Variants in ALPK1 observed in about 807,000 individuals in gnomAD.
ALPK1 encodes alpha kinase 1.
ALPK1 carries 110 observed loss-of-function variants against 120.6 expected under a neutral mutation model. That is an observed-to-expected ratio of 0.91 (90% CI 0.78 to 1.07). The LOEUF is 1.07. ALPK1 is among the 50% of genes least tolerant of loss of function. The pLI is 0.00. For synonymous variants in ALPK1, 582 were observed against 560.3 expected, an observed-to-expected ratio of 1.04 and a Z score of -0.55; for missense variants, 1,498 against 1,483.9, an observed-to-expected ratio of 1.01 and a Z score of -0.16.
chr4:112,412,158 C>A (rs1272195712), intron 5 of ALPK1, 133 bp downstream of exon 5: 1 of 1,045,638 alleles, frequency 9.6e-7, no homozygotes, highest in Middle Eastern at 2.8e-4. Flanking sequence ...CCCGGGGCTC[C>A]CCTCCCCCGC....
chr4:112,407,448 C>T (rs1733237341), intron 4 of ALPK1, among the ~76,000 whole-genome samples: 1 of 151,942 alleles, frequency 6.6e-6, no homozygotes, highest in South Asian at 2.1e-4. Flanking sequence ...CACTGCACTC[C>T]AGCCTGGGTG....
chr4:112,430,685 C>A lies in ALPK1; in HGVS notation c.1138C>A (p.Gln380Lys). 6.2e-7 allele frequency: 1 copy of A among 1,614,186 alleles called. No homozygotes were observed. The highest frequency in any genetic ancestry group is 8.5e-7 in the Non-Finnish European group (1 of 1,180,026). Residue 380 changes from glutamine (Q) to lysine (K), a missense_variant, in exon 11 of 16, where the codon CAG becomes AAG. Gln to Lys is a moderately conservative substitution (Grantham distance 53). Transcript: ENST00000650871. ...GACAGGGACGGTCCATGCAGCAAGT[C>A]AGCTCTGTAAGGAAGCAATGGGGAA... Reference protein sequence around the residue: ...GETGTVHAASQLCKEAMGKLY... With the variant: ...GETGTVHAASKLCKEAMGKLY...
At chr4:112,388,637 A>C (rs199656032) in intron 4 of ALPK1, among the ~76,000 whole-genome samples, 21 of 137,298 alleles carry the variant, frequency 1.5e-4, no homozygotes, top group Non-Finnish European at 1.9e-4. Context: ...AAAAAAAAAA[A>C]ACACAAAGTG....
At chr4:112,439,548 A>T in intron 13 of ALPK1, 138 bp from the exon 14 acceptor site, 1 of 621,828 alleles carries the variant, frequency 1.6e-6, no homozygotes, top group Non-Finnish European at 2.6e-6. Flanking sequence ...AGTTATAATT[A>T]TACCTACTTT....
chr4:112,355,823 C>T (rs1730578828), intron 2 of ALPK1, among the ~76,000 whole-genome samples: 1 of 152,230 alleles, frequency 6.6e-6, no homozygotes, highest in Non-Finnish European at 1.5e-5. Context: ...AAGTGCACCG[C>T]GCTCAACCGC....
chr4:112,411,792 C>T (rs772438978), intron 4 of ALPK1, 35 bp from the exon 5 acceptor site: 49 of 1,575,918 alleles, frequency 3.1e-5, no homozygotes, highest in Admixed American at 1.1e-4. Context: ...CCAGCGTTTC[C>T]GCCTGGCTCA....
intron 2 of ALPK1, among the ~76,000 whole-genome samples, chr4:112,329,516 G>T (rs150938351): frequency 1.3e-5 from 2 of 152,272 alleles, no homozygotes; most frequent in Non-Finnish European, 2.9e-5. Context: ...GGCCATTTTG[G>T]TTTTGGGGTA....
At chr4:112,412,498 G>A (rs932080963) in intron 5 of ALPK1, 3 of 456,062 alleles carry the variant, frequency 6.6e-6, no homozygotes, top group African/African-American at 4.0e-5. Context: ...TCAGAACACC[G>A]GTACAGTACC....
chr4:112,373,016 T>C (rs946456370), intron 2 of ALPK1, among the ~76,000 whole-genome samples: 8 of 152,236 alleles, frequency 5.3e-5, no homozygotes, highest in Non-Finnish European at 7.3e-5. Context: ...AAAAGAATGC[T>C]AGGAAACAGA....
intron 5 of ALPK1, among the ~76,000 whole-genome samples, chr4:112,413,389 A>G (rs1043847263): frequency 1.1e-4 from 16 of 152,304 alleles, no homozygotes; most frequent in Admixed American, 9.2e-4. Context: ...TTGCTTTTAC[A>G]TGTCCAAACT....
Position 112,377,771 on chromosome 4 carries a change from AATC to A in ALPK1, c.-1_2del. On this transcript the variant is annotated 5_prime_UTR_variant, in exon 3 of 16. Transcript: ENST00000650871. ...GACCCAGGGACACCCAATTCATCGTAATCATCATGAATAATCAAAAAGTGGTAG... is the reference window on the plus strand; with the variant it reads ...GACCCAGGGACACCCAATTCATCGTAATCATGAATAATCAAAAAGTGGTAG... The A allele has an allele frequency of 5.6e-6, 9 of 1,604,498 alleles. No individual in the cohort carries two copies. Among genetic ancestry groups the A allele is most frequent in the Non-Finnish European group, 7.7e-6 (9 of 1,173,136 alleles).
chr4:112,354,042 C>T (rs1730486458), intron 2 of ALPK1, among the ~76,000 whole-genome samples: 1 of 152,066 alleles, frequency 6.6e-6, no homozygotes, highest in Non-Finnish European at 1.5e-5. Context: ...TATTCTTTTC[C>T]TACTATGTGG....
intron 2 of ALPK1, among the ~76,000 whole-genome samples, chr4:112,330,140 TACAG>T (rs1365243069): frequency 2.0e-5 from 3 of 152,186 alleles, no homozygotes; most frequent in African/African-American, 7.2e-5. Flanking sequence ...AAGTAGAGCT[TACAG>T]AAAGTTCTGA....
chr4:112,370,780 A>G (rs1578509133), intron 2 of ALPK1, among the ~76,000 whole-genome samples: 1 of 152,358 alleles, frequency 6.6e-6, no homozygotes, highest in Non-Finnish European at 1.5e-5. Context: ...GACTTTCAAA[A>G]AGTATGAAGA....
intron 2 of ALPK1, among the ~76,000 whole-genome samples, chr4:112,367,422 G>T (rs990649446): frequency 6.6e-6 from 1 of 151,596 alleles, no homozygotes; most frequent in African/African-American, 2.4e-5. Context: ...TATGATAAAA[G>T]ATTTTTTTTA....
intron 2 of ALPK1, among the ~76,000 whole-genome samples, chr4:112,323,952 G>A (rs528786393): frequency 1.3e-5 from 2 of 152,298 alleles, no homozygotes; most frequent in East Asian, 3.9e-4. Context: ...GTGGGCCAGT[G>A]GATGCTGTGC....
chr4:112,349,946 C>A (rs1238505722), intron 2 of ALPK1, among the ~76,000 whole-genome samples: 2 of 152,164 alleles, frequency 1.3e-5, no homozygotes, highest in African/African-American at 4.8e-5. Context: ...AGAAGAAATT[C>A]ACTATTACAG....
At chr4:112,389,742 T>A (rs1410298375) in intron 4 of ALPK1, among the ~76,000 whole-genome samples, 2 of 152,178 alleles carry the variant, frequency 1.3e-5, no homozygotes, top group Non-Finnish European at 2.9e-5. Flanking sequence ...GGCATGTGCT[T>A]CTTGGATGTC....
rs1054358115 is a variant in ALPK1 at position 112,301,890 on chromosome 4, A to G, written c.-153+4421A>G. On this transcript the variant is annotated intron_variant, in intron 1 of 15. Transcript: ENST00000650871. ...GAGCCTGAGTGAGCTATCGACTTAC[A>G]GATGCATTTTCACCCCATATCCTCC... is the stretch of plus-strand genomic sequence containing the variant. 3.3e-5 allele frequency among the ~76,000 whole-genome samples: 5 copies of G among 152,008 alleles called. No individual in the cohort carries two copies. The East Asian group carries it at 9.6e-4, about 29-fold the overall frequency.
Sources: allele counts gnomAD v4.1 joint callset (sites outside exome capture counted in the v4.1 genomes callset), GRCh38; gene constraint gnomAD v4.1.1; transcripts MANE v1.5; gene names NCBI Gene and HGNC (gene_info 2026-07-23, HGNC 2026-07-21).